PRKCI: variants seen among roughly 807,000 people sequenced by gnomAD.
The protein encoded by PRKCI is protein kinase C iota type.
Under a neutral mutation model 84.0 loss-of-function variants are expected in PRKCI, and 43 were observed. The ratio of observed to expected loss-of-function variants is 0.51; its 90% CI spans 0.40 to 0.66. The LOEUF (loss-of-function observed/expected upper bound fraction) is 0.66. Ranked by LOEUF, PRKCI falls within the 30% of genes least tolerant of loss-of-function variation. The pLI is 0.00. For synonymous variants in PRKCI, 216 were observed against 234.4 expected, an observed-to-expected ratio of 0.92 and a Z score of 0.72; for missense variants, 459 against 745.6, an observed-to-expected ratio of 0.62 and a Z score of 4.48.
In PRKCI at chr3:170,222,457, A is replaced by G. The variant is rs1176177940; in HGVS notation, c.-213A>G. 6.6e-6 allele frequency: 3 copies of G among 456,718 alleles called. No individual in the cohort carries two copies. Among genetic ancestry groups the G allele is most frequent in the Non-Finnish European group, 7.6e-6 (2 of 263,248 alleles). 28.3% of individuals were successfully genotyped at this position (456,718 alleles called of 1,614,324 possible). A position where few individuals can be genotyped will look rare whatever the true frequency, so the allele number is the denominator to read the frequency against. On this transcript the variant is annotated 5_prime_UTR_variant, in exon 1 of 18. Transcript: ENST00000295797. ...AGGTGTCTTGGGCCCGGGCGGCTGT[A>G]GAGGCGGCGGCGCCTACGGGCAGTG...
intron 1 of PRKCI, among the ~76,000 whole-genome samples, chr3:170,229,406 C>A (rs1013644703): frequency 6.6e-6 from 1 of 152,148 alleles, no homozygotes; most frequent in Admixed American, 6.6e-5. Context: ...CTCAACCACT[C>A]TGGGTTCAAG....
chr3:170,281,904 G>A lies in PRKCI; in HGVS notation c.1003G>A (p.Val335Ile). The A allele has an allele frequency of 6.2e-7, 1 of 1,610,780 alleles. No individual in the cohort carries two copies. The highest frequency in any genetic ancestry group is 1.1e-5 in the South Asian group (1 of 90,282). ...ESRLFFVIEYVNGGDLMFHMQ... is the reference protein window; with the variant it reads ...ESRLFFVIEYINGGDLMFHMQ... ...TAGATTGTTCTTTGTTATAGAGTAT[G>A]TAAATGGAGGAGACCTAATGTTTCA... The change falls in exon 11 of 18, where the codon GTA becomes ATA. Residue 335 changes from valine to isoleucine, a missense_variant. This residue lies in a region of PRKCI where 209 missense variants were observed against 425.9 expected (regional missense o/e 0.49). Coordinates refer to ENST00000295797, the MANE Select transcript of PRKCI (RefSeq NM_002740.6).
chr3:170,273,600 A>C (rs1734047892), intron 7 of PRKCI, among the ~76,000 whole-genome samples: 1 of 151,660 alleles, frequency 6.6e-6, no homozygotes, highest in Non-Finnish European at 1.5e-5. Context: ...GGATCACCTG[A>C]GGTCAGGAGT....
chr3:170,234,786 T>C (rs1246248180), intron 1 of PRKCI, among the ~76,000 whole-genome samples: 1 of 152,124 alleles, frequency 6.6e-6, no homozygotes, highest in Non-Finnish European at 1.5e-5. Flanking sequence ...TATATGTATT[T>C]GATTTTTTTG....
intron 14 of PRKCI, among the ~76,000 whole-genome samples, chr3:170,295,464 G>T (rs1168119638): frequency 6.6e-6 from 1 of 152,010 alleles, no homozygotes; most frequent in Non-Finnish European, 1.5e-5. Context: ...CCTTCATGAG[G>T]TCAGGAGTTT....
At chr3:170,282,450 A>G (rs576653825) in intron 11 of PRKCI, among the ~76,000 whole-genome samples, 6 of 152,292 alleles carry the variant, frequency 3.9e-5, no homozygotes, top group Non-Finnish European at 8.8e-5. Context: ...TAATCCCAGC[A>G]CTTTGGGAGG....
chr3:170,294,502 A>G (rs1419643687), intron 14 of PRKCI, among the ~76,000 whole-genome samples: 1 of 152,212 alleles, frequency 6.6e-6, no homozygotes, highest in Non-Finnish European at 1.5e-5. Flanking sequence ...CATTTGATCA[A>G]AATATTAAAG....
chr3:170,267,802 A>G, intron 4 of PRKCI, 113 bp from the exon 5 acceptor site: 1 of 641,374 alleles, frequency 1.6e-6, no homozygotes, highest in Non-Finnish European at 2.5e-6. Flanking sequence ...GGTTTTTATC[A>G]GTATTTTTTT....
chr3:170,238,467 T>C (rs946943213), intron 2 of PRKCI, among the ~76,000 whole-genome samples: 11 of 150,426 alleles, frequency 7.3e-5, no homozygotes, highest in African/African-American at 2.7e-4. Flanking sequence ...CATTACTCTT[T>C]TTTTTTTTTT....
chr3:170,285,641 T>C (rs768568709), intron 12 of PRKCI, among the ~76,000 whole-genome samples: 5 of 152,200 alleles, frequency 3.3e-5, no homozygotes, highest in Non-Finnish European at 7.3e-5. Flanking sequence ...AACTTTATTA[T>C]CTGTTCAGCA....
At chr3:170,224,360 G>A (rs1209156710) in intron 1 of PRKCI, among the ~76,000 whole-genome samples, 12 of 151,864 alleles carry the variant, frequency 7.9e-5, no homozygotes, top group African/African-American at 2.9e-4. Flanking sequence ...AGAAACGTGT[G>A]GATATTTTTT....
chr3:170,273,870 G>A (rs529782169), intron 7 of PRKCI, among the ~76,000 whole-genome samples: 26 of 150,598 alleles, frequency 1.7e-4, no homozygotes, highest in African/African-American at 4.4e-4. Flanking sequence ...GGTGGCTCAC[G>A]GCTGTAATCT....
rs761341876 is a variant in PRKCI at position 170,260,085 on chromosome 3, T to C, written c.313+27T>C. On this transcript the variant is annotated intron_variant, in intron 3 of 17. Transcript: ENST00000295797. ...TAAGAGAGTAGTCATTTCATACTCG[T>C]CCAGACTGATAATTTCTTTGAAATC... is the stretch of plus-strand genomic sequence containing the variant. The C allele has an allele frequency of 1.0e-5, 14 of 1,392,118 alleles. 1 individual carries two copies. The Admixed American group carries it at 2.0e-4, about 20-fold the overall frequency. The allele number at this position is 1,392,118 out of a possible 1,614,324, so 86.2% of individuals were successfully genotyped here.
intron 12 of PRKCI, among the ~76,000 whole-genome samples, chr3:170,284,810 C>CT (rs1433196100): frequency 1.3e-5 from 2 of 152,176 alleles, no homozygotes; most frequent in East Asian, 3.9e-4. Context: ...GAGCTAATTT[C>CT]TTTTTATTAT....
intron 2 of PRKCI, among the ~76,000 whole-genome samples, chr3:170,250,333 T>C (rs1023779863): frequency 6.7e-6 from 1 of 150,290 alleles, no homozygotes; most frequent in African/African-American, 2.5e-5. Flanking sequence ...TGCTAAGATA[T>C]AATTCACCAA....
At chr3:170,253,354 A>T (rs928923299) in intron 2 of PRKCI, among the ~76,000 whole-genome samples, 2 of 152,064 alleles carry the variant, frequency 1.3e-5, no homozygotes, top group African/African-American at 4.8e-5. Flanking sequence ...AGCATTTGTT[A>T]TTGCCTCTCT....
chr3:170,254,842 T>G (rs894326756), intron 2 of PRKCI, among the ~76,000 whole-genome samples: 2 of 152,134 alleles, frequency 1.3e-5, no homozygotes, highest in Non-Finnish European at 2.9e-5. Context: ...ACAATGATTT[T>G]TTTCTATTTC....
intron 1 of PRKCI, among the ~76,000 whole-genome samples, chr3:170,231,013 G>T (rs1351781526): frequency 6.8e-6 from 1 of 146,684 alleles, no homozygotes; most frequent in African/African-American, 2.5e-5. Flanking sequence ...AGGCTGGAGC[G>T]CAGTGGCGTG....
intron 4 of PRKCI, among the ~76,000 whole-genome samples, chr3:170,264,197 G>T (rs1733803975): frequency 6.7e-6 from 1 of 149,636 alleles, no homozygotes. Context: ...ACTTGAGACT[G>T]ACATGACACT....
Sources: gnomAD v4.1 joint callset for allele counts (sites outside exome capture counted in the v4.1 genomes callset) on GRCh38, gnomAD v4.1.1 for gene constraint, gnomAD v4.1.1 regional missense constraint, MANE v1.5 for transcripts, NCBI Gene and HGNC (gene_info 2026-07-23, HGNC 2026-07-21) for gene names.